The following TRIM66 variants were observed in gnomAD, a reference collection of about 807,000 sequenced individuals.
The protein encoded by TRIM66 is tripartite motif-containing protein 66.
Under a neutral mutation model 148.2 loss-of-function variants are expected in TRIM66, and 99 were observed. The observed-to-expected ratio is 0.67, with a 90% CI of 0.57 to 0.79. TRIM66 has a LOEUF of 0.79. Ranked by LOEUF, TRIM66 falls within the 30% of genes least tolerant of loss-of-function variation. The pLI, the probability that TRIM66 is intolerant of heterozygous loss-of-function variation, is 0.00. For missense variants in TRIM66, 1,666 were observed against 1,697.9 expected, an observed-to-expected ratio of 0.98 and a Z score of 0.33; for synonymous variants, 616 against 635.9, an observed-to-expected ratio of 0.97 and a Z score of 0.47.
intron 15 of TRIM66, among the ~76,000 whole-genome samples, chr11:8,625,463 TTGTGTGTGTGTGTGTG>T (rs147088164): frequency 6.8e-6 from 1 of 148,140 alleles, no homozygotes; most frequent in Non-Finnish European, 1.5e-5. Context: ...CGGAGAACTA[TTGTGTGTGTGTGTGTG>T]TGTGTGTGTG....
At chr11:8,631,932 C>G (rs1228351032) in intron 15 of TRIM66, among the ~76,000 whole-genome samples, 1 of 152,094 alleles carries the variant, frequency 6.6e-6, no homozygotes, top group African/African-American at 2.4e-5. Context: ...CAGAAACTGA[C>G]CACTGTGTAA....
chr11:8,666,112 A>G (rs1006601103), intron 6 of TRIM66, among the ~76,000 whole-genome samples: 1 of 151,908 alleles, frequency 6.6e-6, no homozygotes. Flanking sequence ...CGAGGTGGGC[A>G]GATCACCAGA....
chr11:8,634,055 T>C (rs1440045249), intron 15 of TRIM66, among the ~76,000 whole-genome samples: 6 of 152,194 alleles, frequency 3.9e-5, no homozygotes, highest in Admixed American at 3.3e-4. Flanking sequence ...GGCCTCGAAG[T>C]CCTCTCTTGA....
chr11:8,622,148 C>T (rs377103572), intron 18 of TRIM66, among the ~76,000 whole-genome samples: 3 of 151,488 alleles, frequency 2.0e-5, no homozygotes, highest in Admixed American at 6.6e-5. Flanking sequence ...GTGCTAGACG[C>T]GTCCTACCCT....
intron 15 of TRIM66, among the ~76,000 whole-genome samples, chr11:8,627,080 ACTTGTACTTTCAG>A (rs1185569239): frequency 2.0e-5 from 3 of 152,192 alleles, no homozygotes; most frequent in Non-Finnish European, 4.4e-5. Context: ...TATGCCTTGT[ACTTGTACTTTCAG>A]CTTCATACCA....
In TRIM66 at chr11:8,645,867, C is replaced by A. The variant is rs1245389683; in HGVS notation, c.978G>T (p.Lys326Asn). Residue 326 changes from lysine (K) to asparagine (N), a missense_variant, in exon 12 of 25, where the codon AAG becomes AAT. By Grantham distance (94) the Lys-to-Asn change is moderately conservative. Coordinates refer to ENST00000646038, the MANE Select transcript of TRIM66 (RefSeq NM_001388022.1). ...EELEGITNER[K>N]RKLEQQLQSI... Reference sequence around the variant, plus strand: ...TCTGTAACTGCTGTTCCAGCTTCCGCTTTCTCTCATTAGTAATCCCCTGGG... The same window carrying A: ...TCTGTAACTGCTGTTCCAGCTTCCGATTTCTCTCATTAGTAATCCCCTGGG... The A allele has an allele frequency of 6.4e-6, 10 of 1,551,562 alleles. No homozygotes were observed. Among genetic ancestry groups the A allele is most frequent in the Non-Finnish European group, 8.7e-6 (10 of 1,146,988 alleles).
chr11:8,615,105 T>G lies in TRIM66; in HGVS notation c.*2839A>C, dbSNP rs2033641475. 1 of 152,202 alleles carries G rather than the reference T, an allele frequency of 6.6e-6. No homozygotes were observed. Among genetic ancestry groups the G allele is most frequent in the Non-Finnish European group, 1.5e-5 (1 of 68,070 alleles). 9.4% of individuals were successfully genotyped at this position (152,202 alleles called of 1,614,324 possible). A position where few individuals can be genotyped will look rare whatever the true frequency, so the allele number is the denominator to read the frequency against. On this transcript the variant is annotated 3_prime_UTR_variant, in exon 25 of 25. Transcript: ENST00000646038. ...CATCACACCTGGCTGATATTTGTATTTTTAGTAGAGACAGGGTTTCACTAT... is the reference window on the plus strand; with the variant it reads ...CATCACACCTGGCTGATATTTGTATGTTTAGTAGAGACAGGGTTTCACTAT...
At position 8,638,805 on chromosome 11, in the gene TRIM66, TC is replaced by T; in HGVS notation, c.2158del (p.Glu720SerfsTer49). 1 of 1,551,188 alleles carries T rather than the reference TC, an allele frequency of 6.4e-7. No homozygotes were observed. Among genetic ancestry groups the T allele is most frequent in the Non-Finnish European group, 8.7e-7 (1 of 1,146,868 alleles). ...SQEETLQATD[E>X]PPASQGSKPA... ...CTTTGAGCCCTGAGATGCTGGGGGC[TC>T]ATCTGTAGCCTGGAGAAGAAAATAA... On this transcript the variant is annotated frameshift_variant, in exon 15 of 25. Coordinates refer to ENST00000646038, the MANE Select transcript of TRIM66 (RefSeq NM_001388022.1). LOFTEE classifies it high-confidence loss of function.
In TRIM66 at chr11:8,647,173, G is replaced by A. The variant is rs186057148; in HGVS notation, c.843-612C>T. ...TTGGGGGGATGAAAATGTTTTAAAC[G>A]TAGACAGTAATTATGTACAGTTGCA... On this transcript the variant is annotated intron_variant, in intron 10 of 24. Transcript: ENST00000646038. 1.5e-4 allele frequency among the ~76,000 whole-genome samples: 22 copies of A among 151,700 alleles called. 1 individual carries two copies. Among genetic ancestry groups the A allele is most frequent in the East Asian group, 1.2e-3 (6 of 5,182 alleles).
Position 8,640,329 on chromosome 11 carries a change from G to T in TRIM66, c.2046C>A (p.Thr682=), listed in dbSNP as rs1039166714. ...TTTGCTGAAGATGCTGAGGAGATTTGGTCTGACTCAGTTGCAGGCTGGGCT... is the reference window on the plus strand; with the variant it reads ...TTTGCTGAAGATGCTGAGGAGATTTTGTCTGACTCAGTTGCAGGCTGGGCT... ...AQQPSLQLSQ[T]KSPQHLQQTI... is the part of the protein sequence containing the mutation. The change falls in exon 14 of 25, where the codon ACC becomes ACA. Residue 682 remains threonine (T), a synonymous_variant. Coordinates refer to ENST00000646038, the MANE Select transcript of TRIM66 (RefSeq NM_001388022.1). 1.3e-6 allele frequency: 2 copies of T among 1,551,706 alleles called. No homozygotes were observed. The highest frequency in any genetic ancestry group is 2.4e-5 in the South Asian group (2 of 84,046).
At chr11:8,635,822 A>T (rs976426806) in intron 15 of TRIM66, among the ~76,000 whole-genome samples, 2 of 152,168 alleles carry the variant, frequency 1.3e-5, no homozygotes, top group Admixed American at 1.3e-4. Context: ...TTGGCCATTC[A>T]CACAAGCAGC....
rs932872903 is a variant in TRIM66 at position 8,682,648 on chromosome 11, C to T, written c.-595G>A. ...GACACTCCGTGATGGGGGATCACCA[C>T]CCTCAGAAAGAGGAAGCGACTAGCA... On this transcript the variant is annotated 5_prime_UTR_variant, in exon 1 of 25. The change creates a new upstream start codon in the 5' untranslated region. Transcript: ENST00000646038. 4 of 764,196 alleles carry T rather than the reference C, an allele frequency of 5.2e-6. No homozygotes were observed. The highest frequency in any genetic ancestry group is 1.7e-5 in the African/African-American group (1 of 57,332). The allele number at this position is 764,196 out of a possible 1,614,324, so 47.3% of individuals were successfully genotyped here. A position where few individuals can be genotyped will look rare whatever the true frequency, so the allele number is the denominator to read the frequency against.
intron 15 of TRIM66, among the ~76,000 whole-genome samples, chr11:8,636,577 T>G (rs1181361232): frequency 1.3e-5 from 2 of 152,046 alleles, no homozygotes; most frequent in African/African-American, 4.8e-5. Flanking sequence ...GGAAAACACC[T>G]GGGTGTTAAG....
chr11:8,625,338 T>A, intron 15 of TRIM66, 110 bp from the exon 16 acceptor site: 1 of 1,334,746 alleles, frequency 7.5e-7, no homozygotes, highest in South Asian at 1.6e-5. Context: ...CACTCTGGCT[T>A]CAGAGTCTGG....
At chr11:8,641,329 G>C (rs901803618) in intron 13 of TRIM66, among the ~76,000 whole-genome samples, 177 bp from the exon 14 acceptor site, 5 of 152,142 alleles carry the variant, frequency 3.3e-5, no homozygotes, top group African/African-American at 1.2e-4. Context: ...AATAGCACCT[G>C]TATGCACCTG....
At chr11:8,665,598 G>A (rs2038536590) in intron 6 of TRIM66, among the ~76,000 whole-genome samples, 1 of 152,116 alleles carries the variant, frequency 6.6e-6, no homozygotes, top group Non-Finnish European at 1.5e-5. Flanking sequence ...ATATCCATGG[G>A]GGAGAGACAG....
Position 8,612,104 on chromosome 11 carries a change from T to C in TRIM66, c.*5840A>G, listed in dbSNP as rs1357584521. ...GTATAGGTTCTTTTAAAATCAGCTA[T>C]ACTTCCCTTTAAAATATCCTCCCTC... On this transcript the variant is annotated 3_prime_UTR_variant, in exon 25 of 25. Transcript: ENST00000646038. 2 of 152,184 alleles carry C rather than the reference T, an allele frequency of 1.3e-5. No individual in the cohort carries two copies. The highest frequency in any genetic ancestry group is 2.4e-5 in the African/African-American group (1 of 41,436). 9.4% of individuals were successfully genotyped at this position (152,184 alleles called of 1,614,324 possible).
At chr11:8,660,605 C>T (rs902550513) in intron 6 of TRIM66, among the ~76,000 whole-genome samples, 6 of 152,218 alleles carry the variant, frequency 3.9e-5, no homozygotes, top group Non-Finnish European at 2.9e-5. Flanking sequence ...CCCACAAAGC[C>T]TAAAATATTT....
In TRIM66 at chr11:8,679,920, C is replaced by T. The variant is rs1186719864; in HGVS notation, c.-404G>A. 1 of 152,312 alleles carries T rather than the reference C, an allele frequency of 6.6e-6. No individual in the cohort carries two copies. The highest frequency in any genetic ancestry group is 1.5e-5 in the Non-Finnish European group (1 of 68,104). 9.4% of individuals were successfully genotyped at this position (152,312 alleles called of 1,614,324 possible). ...CTGTACCTGACCACCTATGCAGCGT[C>T]TGACAAGTCACCCAATTCTTCTGTG... On this transcript the variant is annotated 5_prime_UTR_variant, in exon 2 of 25. Coordinates refer to ENST00000646038, the MANE Select transcript of TRIM66 (RefSeq NM_001388022.1).
Sources: allele counts gnomAD v4.1 joint callset (sites outside exome capture counted in the v4.1 genomes callset), GRCh38; gene constraint gnomAD v4.1.1; transcripts MANE v1.5; gene names NCBI Gene and HGNC (gene_info 2026-07-23, HGNC 2026-07-21).